Variants in ATP8A1 observed in about 807,000 individuals in gnomAD.
ATP8A1 encodes phospholipid-transporting ATPase IA.
ATP8A1 carries 90 observed loss-of-function variants against 177.7 expected under a neutral mutation model. That is an observed-to-expected ratio of 0.51 (90% CI 0.43 to 0.60). ATP8A1 has a LOEUF of 0.60. Ranked by LOEUF, ATP8A1 falls within the 20% of genes least tolerant of loss-of-function variation. The probability of loss-of-function intolerance (pLI) is 0.00; values close to 1 mark genes in which losing one functional copy is unlikely to be tolerated. For missense variants in ATP8A1, 1,072 were observed against 1,392.8 expected (o/e 0.77, Z 3.67); for synonymous variants, 493 against 485.9 (o/e 1.01, Z -0.19).
At chr4:42,522,373 TCA>T in intron 21 of ATP8A1, 74 bp from the exon 22 acceptor site, 4 of 1,546,580 alleles carry the variant, frequency 2.6e-6, no homozygotes, top group South Asian at 2.4e-5. Context: ...TGTTTTTATT[TCA>T]CAAAGTCCCA....
chr4:42,544,564 C>T (rs1294929494), intron 19 of ATP8A1, among the ~76,000 whole-genome samples: 1 of 152,162 alleles, frequency 6.6e-6, no homozygotes, highest in Non-Finnish European at 1.5e-5. Flanking sequence ...TATTTTAATA[C>T]TGTTGATGAC....
At chr4:42,442,218 A>G (rs1716712312) in intron 33 of ATP8A1, among the ~76,000 whole-genome samples, 1 of 152,246 alleles carries the variant, frequency 6.6e-6, no homozygotes, top group Non-Finnish European at 1.5e-5. Context: ...AAGAAATGAG[A>G]TAAAGGAAGG....
chr4:42,631,808 G>A (rs999062962), intron 1 of ATP8A1, among the ~76,000 whole-genome samples: 1 of 152,282 alleles, frequency 6.6e-6, no homozygotes, highest in East Asian at 1.9e-4. Context: ...CCCCCTTGCA[G>A]GTGACTTTGC....
chr4:42,642,026 A>C (rs969067745), intron 1 of ATP8A1, among the ~76,000 whole-genome samples: 1 of 152,118 alleles, frequency 6.6e-6, no homozygotes, highest in Admixed American at 6.6e-5. Context: ...CATCAAAAAC[A>C]TCCAGTGAAG....
At chr4:42,482,237 G>C (rs1553884214) in intron 25 of ATP8A1, among the ~76,000 whole-genome samples, 1 of 151,986 alleles carries the variant, frequency 6.6e-6, no homozygotes, top group Non-Finnish European at 1.5e-5. Flanking sequence ...AGGAGGTGGG[G>C]GTTGCAGTGA....
At chr4:42,427,976 A>T (rs879086083) in intron 33 of ATP8A1, among the ~76,000 whole-genome samples, 3 of 152,240 alleles carry the variant, frequency 2.0e-5, no homozygotes, top group Admixed American at 2.0e-4. Context: ...ATAACAAAAT[A>T]CTAGTTAAAG....
At chr4:42,448,401 C>CTTTTTT (rs1226963744) in intron 30 of ATP8A1, among the ~76,000 whole-genome samples, 1 of 99,558 alleles carries the variant, frequency 1.0e-5, no homozygotes, top group Non-Finnish European at 1.9e-5. Context: ...TCTTTCTTTT[C>CTTTTTT]TTTTTTTTTT....
intron 33 of ATP8A1, among the ~76,000 whole-genome samples, chr4:42,432,148 C>T (rs768075569): frequency 6.6e-6 from 1 of 152,164 alleles, no homozygotes; most frequent in Non-Finnish European, 1.5e-5. Context: ...TTTTCTCAGT[C>T]ACCCAATCTC....
chr4:42,474,407 T>A (rs1275537227), intron 25 of ATP8A1, among the ~76,000 whole-genome samples: 1 of 152,172 alleles, frequency 6.6e-6, no homozygotes, highest in Non-Finnish European at 1.5e-5. Context: ...ACTGTAGAGT[T>A]TGGCTTAGGT....
At position 42,454,508 on chromosome 4, in the gene ATP8A1, A is replaced by G. The variant is rs1488417781; in HGVS notation, c.2817+789T>C. 9.2e-5 allele frequency among the ~76,000 whole-genome samples: 14 copies of G among 152,326 alleles called. No individual in the cohort carries two copies. In the East Asian group the frequency reaches 2.5e-3, roughly 27 times the overall value. ...TTGCTTTCATAACACTAATATACAAATGTTAGTTTCAAAATGACACCTAAC... is the reference window on the plus strand; with the variant it reads ...TTGCTTTCATAACACTAATATACAAGTGTTAGTTTCAAAATGACACCTAAC... On this transcript the variant is annotated intron_variant, in intron 29 of 36. Coordinates refer to ENST00000381668, the MANE Select transcript of ATP8A1 (RefSeq NM_006095.2).
At chr4:42,552,441 A>T in intron 17 of ATP8A1, 64 bp downstream of exon 17, 1 of 1,336,920 alleles carries the variant, frequency 7.5e-7, no homozygotes. Flanking sequence ...TTTAAAATTA[A>T]ATTGACTTTT....
intron 20 of ATP8A1, among the ~76,000 whole-genome samples, chr4:42,540,977 A>G (rs1728327031): frequency 6.6e-6 from 1 of 152,104 alleles, no homozygotes; most frequent in Non-Finnish European, 1.5e-5. Flanking sequence ...TATACATGTA[A>G]CAATTTCTCA....
At chr4:42,535,701 C>T (rs1302125526) in intron 20 of ATP8A1, among the ~76,000 whole-genome samples, 2 of 152,122 alleles carry the variant, frequency 1.3e-5, no homozygotes, top group African/African-American at 2.4e-5. Flanking sequence ...CCAAGATAGA[C>T]CACATGATAG....
At chr4:42,613,547 A>G (rs1736585961) in intron 5 of ATP8A1, among the ~76,000 whole-genome samples, 1 of 151,782 alleles carries the variant, frequency 6.6e-6, no homozygotes, top group Non-Finnish European at 1.5e-5. Context: ...TAGTTGTTAT[A>G]CTATATTTTT....
At chr4:42,509,709 G>A (rs906926667) in intron 22 of ATP8A1, among the ~76,000 whole-genome samples, 5 of 152,010 alleles carry the variant, frequency 3.3e-5, no homozygotes, top group South Asian at 2.1e-4. Context: ...AAAATTAGCC[G>A]GGCATGGTGG....
intron 6 of ATP8A1, among the ~76,000 whole-genome samples, chr4:42,591,209 A>AT (rs1734138517): frequency 2.0e-5 from 3 of 152,048 alleles, no homozygotes; most frequent in South Asian, 2.1e-4. Flanking sequence ...TATAGTCTAG[A>AT]TTTTTCTTTC....
chr4:42,644,076 A>ATC (rs1436004236), intron 1 of ATP8A1, among the ~76,000 whole-genome samples: 3 of 152,224 alleles, frequency 2.0e-5, no homozygotes, highest in Non-Finnish European at 4.4e-5. Flanking sequence ...TGCTTCAATG[A>ATC]ATTTTTGTTT....
chr4:42,444,513 C>T, intron 32 of ATP8A1, 65 bp downstream of exon 32: 1 of 1,490,138 alleles, frequency 6.7e-7, no homozygotes. Context: ...AAGACCACCA[C>T]CAAGACTGGA....
intron 35 of ATP8A1, among the ~76,000 whole-genome samples, chr4:42,421,612 C>T (rs1713937075): frequency 6.6e-6 from 1 of 152,070 alleles, no homozygotes; most frequent in South Asian, 2.1e-4. Flanking sequence ...AAAAAAGTGG[C>T]ACACACTGGT....
Sources: allele counts gnomAD v4.1 joint callset (sites outside exome capture counted in the v4.1 genomes callset), GRCh38; gene constraint gnomAD v4.1.1; transcripts MANE v1.5; gene names NCBI Gene and HGNC (gene_info 2026-07-23, HGNC 2026-07-21).